The following RANBP2 variants were observed in gnomAD, a reference collection of about 807,000 sequenced individuals.
The protein encoded by RANBP2 is RAN binding protein 2.
Under a neutral mutation model 303.6 loss-of-function variants are expected in RANBP2, and 57 were observed. The ratio of observed to expected loss-of-function variants is 0.19; its 90% CI spans 0.15 to 0.23. The LOEUF (loss-of-function observed/expected upper bound fraction) is 0.23. Ranked by LOEUF, RANBP2 falls within the 10% of genes least tolerant of loss-of-function variation. The pLI is 1.00. For synonymous variants in RANBP2, 1,167 were observed against 1,301.5 expected, an observed-to-expected ratio of 0.90 and a Z score of 2.23; for missense variants, 3,138 against 3,780.8, an observed-to-expected ratio of 0.83 and a Z score of 4.46.
the RANBP2 span, among the ~76,000 whole-genome samples, chr2:108,872,030 C>G: frequency 6.6e-6 from 1 of 152,174 alleles, no homozygotes; most frequent in African/African-American, 2.4e-5. Context: ...CTTCCTTCCA[C>G]CAATTTAAAG....
the RANBP2 span, among the ~76,000 whole-genome samples, chr2:109,168,657 A>C: frequency 2.3e-5 from 2 of 88,326 alleles, no homozygotes; most frequent in Non-Finnish European, 4.7e-5. Flanking sequence ...GCAGCTGCTC[A>C]AACTGAAAAC....
chr2:109,583,471 T>G, the RANBP2 span, among the ~76,000 whole-genome samples: 4 of 152,090 alleles, frequency 2.6e-5, no homozygotes, highest in African/African-American at 9.7e-5. Context: ...TGGCTATTAT[T>G]AAAAAGTCAA....
the RANBP2 span, among the ~76,000 whole-genome samples, chr2:109,663,767 A>G: frequency 6.6e-6 from 1 of 152,224 alleles, no homozygotes; most frequent in Non-Finnish European, 1.5e-5. Context: ...TTGATAGAAC[A>G]CCTAAATTAA....
chr2:109,471,217 A>AAG, the RANBP2 span, among the ~76,000 whole-genome samples: 1 of 151,370 alleles, frequency 6.6e-6, no homozygotes, highest in African/African-American at 2.4e-5. Context: ...AAAAAAAAAA[A>AAG]AAAAAAAAAA....
chr2:109,373,352 A>G, the RANBP2 span, among the ~76,000 whole-genome samples: 1 of 152,206 alleles, frequency 6.6e-6, no homozygotes, highest in East Asian at 1.9e-4. Context: ...CCCAACATAT[A>G]CATGAATGTT....
the RANBP2 span, chr2:108,791,828 A>G: frequency 6.5e-7 from 1 of 1,548,362 alleles, no homozygotes; most frequent in South Asian, 1.2e-5. Context: ...TAGAACAATC[A>G]ATTCAGTAGT....
At chr2:109,040,930 C>T in the RANBP2 span, among the ~76,000 whole-genome samples, 1 of 152,132 alleles carries the variant, frequency 6.6e-6, no homozygotes, top group Non-Finnish European at 1.5e-5. Context: ...GTGGTGGGTG[C>T]CTGTAGTCCC....
chr2:109,141,939 A>G, the RANBP2 span, among the ~76,000 whole-genome samples: 6 of 151,702 alleles, frequency 4.0e-5, no homozygotes, highest in Non-Finnish European at 7.4e-5. Context: ...GGCCCTTTCT[A>G]CACTCACGGA....
chr2:108,734,236 T>C (rs1264657680), intron 4 of RANBP2, among the ~76,000 whole-genome samples: 2 of 151,688 alleles, frequency 1.3e-5, no homozygotes, highest in Non-Finnish European at 2.9e-5. Context: ...ATGGAATTTA[T>C]ATGTGATAGC....
At chr2:109,022,993 G>A in the RANBP2 span, among the ~76,000 whole-genome samples, 2 of 152,188 alleles carry the variant, frequency 1.3e-5, no homozygotes, top group African/African-American at 4.8e-5. Context: ...GGAGGTTGCA[G>A]TGAGCCGAGA....
the RANBP2 span, among the ~76,000 whole-genome samples, chr2:109,068,377 A>G: frequency 6.6e-6 from 1 of 152,194 alleles, no homozygotes; most frequent in South Asian, 2.1e-4. Flanking sequence ...AGATGGCAAC[A>G]GAGAAGAGGT....
chr2:109,574,648 A>G, the RANBP2 span: 26 of 1,606,694 alleles, frequency 1.6e-5, no homozygotes, highest in Non-Finnish European at 2.1e-5. Context: ...CGGTGAAATG[A>G]AGTAGAGACA....
chr2:109,450,306 A>C, the RANBP2 span, among the ~76,000 whole-genome samples: 1 of 152,040 alleles, frequency 6.6e-6, no homozygotes, highest in African/African-American at 2.4e-5. Context: ...AGATTGTGCC[A>C]CTGCACTCCA....
the RANBP2 span, among the ~76,000 whole-genome samples, chr2:108,887,003 T>G: frequency 1.8e-4 from 28 of 152,324 alleles, 2 homozygotes; most frequent in South Asian, 5.0e-3. Flanking sequence ...TGCTGTTTTT[T>G]ATAGTTTCAT....
the RANBP2 span, among the ~76,000 whole-genome samples, chr2:109,505,939 G>A: frequency 1.3e-5 from 2 of 152,218 alleles, no homozygotes; most frequent in African/African-American, 4.8e-5. Context: ...CAGCCAGCTT[G>A]CCAAGTGGAG....
chr2:109,614,457 C>T, the RANBP2 span: 1 of 1,210,622 alleles, frequency 8.3e-7, no homozygotes, highest in Non-Finnish European at 1.0e-6. Context: ...CCGCGCTGAG[C>T]CGCCCGCTGG....
chr2:109,463,690 G>A, the RANBP2 span, among the ~76,000 whole-genome samples: 4 of 152,176 alleles, frequency 2.6e-5, no homozygotes, highest in South Asian at 4.1e-4. Flanking sequence ...GTTTGTTTCC[G>A]CTGCAGTCAA....
chr2:109,167,065 G>A, the RANBP2 span, among the ~76,000 whole-genome samples: 1 of 152,196 alleles, frequency 6.6e-6, no homozygotes, highest in African/African-American at 2.4e-5. Flanking sequence ...ATGGAGGTCA[G>A]GCCAGTGGGA....
the RANBP2 span, among the ~76,000 whole-genome samples, chr2:109,231,607 G>C: frequency 6.6e-6 from 1 of 152,204 alleles, no homozygotes; most frequent in Admixed American, 6.5e-5. Flanking sequence ...TACTAGTTAA[G>C]TAGGCTGCTT....
Sources: gnomAD v4.1 joint callset for allele counts (sites outside exome capture counted in the v4.1 genomes callset) on GRCh38, gnomAD v4.1.1 for gene constraint, MANE v1.5 for transcripts, NCBI Gene and HGNC (gene_info 2026-07-23, HGNC 2026-07-21) for gene names.